Variants in TOX observed in about 807,000 individuals in gnomAD.
The protein encoded by TOX is thymocyte selection-associated high mobility group box protein TOX.
Under a neutral mutation model 53.7 loss-of-function variants are expected in TOX, and 11 were observed. The ratio of observed to expected loss-of-function variants is 0.20; its 90% CI spans 0.13 to 0.34. The LOEUF is 0.34. Ranked by LOEUF, TOX falls within the 10% of genes least tolerant of loss-of-function variation. The probability of loss-of-function intolerance (pLI) is 1.00; values close to 1 mark genes in which losing one functional copy is unlikely to be tolerated. For missense variants in TOX, 570 were observed against 664.6 expected, an observed-to-expected ratio of 0.86 and a Z score of 1.56; for synonymous variants, 225 against 245.3, an observed-to-expected ratio of 0.92 and a Z score of 0.77.
chr8:58,899,713 A>T (rs1811702626), intron 3 of TOX, among the ~76,000 whole-genome samples: 1 of 152,208 alleles, frequency 6.6e-6, no homozygotes, highest in Non-Finnish European at 1.5e-5. Context: ...GTGCTGAAAC[A>T]ACGCTCAAAG....
intron 3 of TOX, among the ~76,000 whole-genome samples, chr8:58,881,423 C>A (rs1811380330): frequency 1.3e-5 from 2 of 152,152 alleles, no homozygotes; most frequent in South Asian, 4.2e-4. Flanking sequence ...ACATGTGAAC[C>A]ATTAAGACGT....
chr8:59,000,914 T>A (rs1487423271), intron 1 of TOX, among the ~76,000 whole-genome samples: 2 of 152,116 alleles, frequency 1.3e-5, no homozygotes, highest in Non-Finnish European at 2.9e-5. Flanking sequence ...GGCAATTCAG[T>A]TATGAAATTT....
chr8:58,973,236 A>C (rs934081890), intron 1 of TOX, among the ~76,000 whole-genome samples: 1 of 152,246 alleles, frequency 6.6e-6, no homozygotes, highest in South Asian at 2.1e-4. Flanking sequence ...TCTAATATTT[A>C]AAATTCATAT....
At chr8:58,998,536 TATAA>T (rs1218798687) in intron 1 of TOX, among the ~76,000 whole-genome samples, 68 of 37,742 alleles carry the variant, frequency 1.8e-3, no homozygotes, top group African/African-American at 8.5e-3. Flanking sequence ...TATATATATA[TATAA>T]ATTTATATAT....
intron 1 of TOX, among the ~76,000 whole-genome samples, chr8:59,068,843 A>G (rs1804142051): frequency 6.6e-6 from 1 of 152,186 alleles, no homozygotes; most frequent in Non-Finnish European, 1.5e-5. Flanking sequence ...GAGGGTGGCC[A>G]CGGGCCCAGA....
chr8:59,064,218 A>T (rs1804046704), intron 1 of TOX, among the ~76,000 whole-genome samples: 1 of 152,218 alleles, frequency 6.6e-6, no homozygotes, highest in South Asian at 2.1e-4. Flanking sequence ...CTGCAAAGCT[A>T]TTAACATATA....
At chr8:58,952,796 A>G (rs1002892941) in intron 2 of TOX, among the ~76,000 whole-genome samples, 3 of 152,190 alleles carry the variant, frequency 2.0e-5, no homozygotes, top group Non-Finnish European at 2.9e-5. Flanking sequence ...TCTCACACCT[A>G]CCCAGAAACA....
At chr8:58,838,475 A>G (rs779366826) in intron 4 of TOX, among the ~76,000 whole-genome samples, 164 bp from the exon 5 acceptor site, 1 of 151,948 alleles carries the variant, frequency 6.6e-6, no homozygotes, top group African/African-American at 2.4e-5. Context: ...CCCAGATGAA[A>G]CTGCATATTT....
chr8:59,074,394 G>T (rs1804255138), intron 1 of TOX, among the ~76,000 whole-genome samples: 1 of 152,006 alleles, frequency 6.6e-6, no homozygotes, highest in Admixed American at 6.5e-5. Flanking sequence ...TTCAATACAG[G>T]TTCATTCAAT....
chr8:58,989,273 G>A (rs993570186), intron 1 of TOX, among the ~76,000 whole-genome samples: 3 of 151,628 alleles, frequency 2.0e-5, no homozygotes, highest in Admixed American at 1.3e-4. Context: ...CCGAGATCAC[G>A]CCACTGCACT....
intron 1 of TOX, among the ~76,000 whole-genome samples, chr8:59,048,615 A>G (rs1290985290): frequency 6.6e-6 from 1 of 152,210 alleles, no homozygotes; most frequent in Non-Finnish European, 1.5e-5. Context: ...GAATGAATTG[A>G]GCCAAAAAAT....
At chr8:58,995,995 C>G (rs963777725) in intron 1 of TOX, among the ~76,000 whole-genome samples, 1 of 152,116 alleles carries the variant, frequency 6.6e-6, no homozygotes, top group Non-Finnish European at 1.5e-5. Flanking sequence ...CCCTCCGTTT[C>G]CAGGCCTGCT....
intron 3 of TOX, among the ~76,000 whole-genome samples, chr8:58,931,330 CAA>C (rs113247058): frequency 7.3e-6 from 1 of 137,632 alleles, no homozygotes. Flanking sequence ...TCATAAATGT[CAA>C]AAAAAAAAAG....
At chr8:58,987,005 C>G (rs1413888393) in intron 1 of TOX, among the ~76,000 whole-genome samples, 1 of 152,150 alleles carries the variant, frequency 6.6e-6, no homozygotes, top group Non-Finnish European at 1.5e-5. Flanking sequence ...ATTTCATTAC[C>G]TTCTTTAAGA....
At chr8:58,984,094 A>T (rs1813277694) in intron 1 of TOX, among the ~76,000 whole-genome samples, 1 of 152,236 alleles carries the variant, frequency 6.6e-6, no homozygotes, top group Non-Finnish European at 1.5e-5. Context: ...AAGCTTTACG[A>T]TATTGGATTT....
chr8:58,985,904 C>T (rs1813319966), intron 1 of TOX, among the ~76,000 whole-genome samples: 1 of 152,130 alleles, frequency 6.6e-6, no homozygotes, highest in South Asian at 2.1e-4. Flanking sequence ...ATTTTTAAAA[C>T]CTCCATTTCT....
At chr8:59,031,457 G>A (rs1814353928) in intron 1 of TOX, among the ~76,000 whole-genome samples, 1 of 152,156 alleles carries the variant, frequency 6.6e-6, no homozygotes, top group South Asian at 2.1e-4. Context: ...TATGTTCCAG[G>A]CGCTGTTCTA....
chr8:58,851,924 A>G lies in TOX; in HGVS notation c.412-119T>C, dbSNP rs1164188887. On this transcript the variant is annotated intron_variant, in intron 3 of 8. Coordinates refer to ENST00000361421, the MANE Select transcript of TOX (RefSeq NM_014729.3). The surrounding 1 kb of genome is among the most constrained non-coding windows in gnomAD (Gnocchi z 4.4). ...CTTTAGATTTCCAGATGTTCTGCTG[A>G]GTTACATACACATTTATTTTATCTG... 1.1e-6 allele frequency: 1 copy of G among 893,812 alleles called. No homozygotes were observed. Among genetic ancestry groups the G allele is most frequent in the Non-Finnish European group, 1.4e-6 (1 of 692,430 alleles). The allele number at this position is 893,812 out of a possible 1,614,324, so 55.4% of individuals were successfully genotyped here.
Position 58,807,426 on chromosome 8 carries a change from C to A in TOX, c.*321G>T. On this transcript the variant is annotated 3_prime_UTR_variant, in exon 9 of 9. Transcript: ENST00000361421. ...CCATTATGAAAACCAATGGAAAATC[C>A]AGGACTTTTATCCGAGACATCTACA... The A allele has an allele frequency of 3.8e-6, 1 of 265,906 alleles. No homozygotes were observed. The highest frequency in any genetic ancestry group is 7.2e-6 in the Non-Finnish European group (1 of 138,088). The allele number at this position is 265,906 out of a possible 1,614,324, so 16.5% of individuals were successfully genotyped here.
Sources: allele counts gnomAD v4.1 joint callset (sites outside exome capture counted in the v4.1 genomes callset), GRCh38; gene constraint gnomAD v4.1.1; non-coding constraint Gnocchi (gnomAD v3.1); transcripts MANE v1.5; gene names NCBI Gene and HGNC (gene_info 2026-07-23, HGNC 2026-07-21).